The following HECTD2 variants were observed in gnomAD, a reference collection of about 807,000 sequenced individuals.
HECTD2 encodes the protein probable E3 ubiquitin-protein ligase HECTD2.
HECTD2 carries 35 observed loss-of-function variants against 103.2 expected under a neutral mutation model. That is an observed-to-expected ratio of 0.34 (90% CI 0.26 to 0.45). The LOEUF (loss-of-function observed/expected upper bound fraction) is 0.45. HECTD2 is among the 20% of genes least tolerant of loss of function. The pLI, the probability that HECTD2 is intolerant of heterozygous loss-of-function variation, is 1.00. For missense variants in HECTD2, 596 were observed against 937.4 expected (o/e 0.64, Z 4.76); for synonymous variants, 281 against 329.9 (o/e 0.85, Z 1.61).
intron 5 of HECTD2, among the ~76,000 whole-genome samples, chr10:91,476,812 C>CT (rs1195470305): frequency 6.6e-6 from 1 of 152,170 alleles, no homozygotes. Flanking sequence ...CCTGTGAGGC[C>CT]TTTGTCTTTG....
intron 3 of HECTD2, among the ~76,000 whole-genome samples, chr10:91,460,825 G>A (rs1444109907): frequency 2.6e-5 from 4 of 152,072 alleles, no homozygotes; most frequent in Admixed American, 6.6e-5. Flanking sequence ...AGAGATAAAG[G>A]TGGTAATTAA....
At chr10:91,415,216 G>GTGTGTGTGTGTC (rs1554864270) in intron 1 of HECTD2, among the ~76,000 whole-genome samples, 16 of 152,026 alleles carry the variant, frequency 1.1e-4, no homozygotes, top group African/African-American at 3.4e-4. Flanking sequence ...GTGTGTGTGT[G>GTGTGTGTGTGTC]TGTGTGTGTG....
chr10:91,471,194 TCACGTAA>T (rs1202173146), intron 5 of HECTD2, among the ~76,000 whole-genome samples: 1 of 152,176 alleles, frequency 6.6e-6, no homozygotes. Flanking sequence ...ATGTGATTCA[TCACGTAA>T]CAGAACTAAA....
intron 1 of HECTD2, among the ~76,000 whole-genome samples, chr10:91,416,107 G>A (rs1401112010): frequency 6.6e-6 from 1 of 151,868 alleles, no homozygotes; most frequent in African/African-American, 2.4e-5. Context: ...AACCCATTAG[G>A]ACACAAATAA....
upstream of HECTD2, among the ~76,000 whole-genome samples, chr10:91,409,899 G>C (rs1842841768): frequency 6.6e-6 from 1 of 152,282 alleles, no homozygotes. Context: ...CGCAGGCCAG[G>C]GCCGTCCGTG....
chr10:91,460,321 AC>A (rs1351497042), intron 2 of HECTD2, 105 bp from the exon 3 acceptor site: 5 of 1,032,650 alleles, frequency 4.8e-6, no homozygotes, highest in Non-Finnish European at 5.5e-6. Flanking sequence ...TGAATGTAAT[AC>A]AAAATAATTC....
intron 20 of HECTD2, among the ~76,000 whole-genome samples, chr10:91,505,694 G>A (rs1185647778): frequency 6.6e-6 from 1 of 151,086 alleles, no homozygotes; most frequent in African/African-American, 2.4e-5. Context: ...ACACCCCACT[G>A]TCAACATTAG....
Position 91,504,636 on chromosome 10 carries a change from C to G in HECTD2, c.2210+3302C>G, listed in dbSNP as rs1394733712. Among the ~76,000 whole-genome samples the G allele has an allele frequency of 1.0e-3, 152 of 151,742 alleles. 1 individual carries two copies. The highest frequency in any genetic ancestry group is 1.8e-3 in the Non-Finnish European group (125 of 67,908). Reference sequence around the variant, plus strand: ...GAAATATGGGACTATGTGAAAAGACCAAATCTACGTCTGATTGGTGTACCT... The same window carrying G: ...GAAATATGGGACTATGTGAAAAGACGAAATCTACGTCTGATTGGTGTACCT... On this transcript the variant is annotated intron_variant, in intron 20 of 20. Coordinates refer to ENST00000298068, the MANE Select transcript of HECTD2 (RefSeq NM_182765.6).
intron 2 of HECTD2, among the ~76,000 whole-genome samples, chr10:91,443,780 G>A (rs528754162): frequency 2.2e-4 from 34 of 152,282 alleles, no homozygotes; most frequent in South Asian, 4.1e-4. Context: ...ACTCTTCCAT[G>A]GTTTTAAATG....
chr10:91,453,290 G>C (rs1844917725), intron 2 of HECTD2, among the ~76,000 whole-genome samples: 1 of 152,056 alleles, frequency 6.6e-6, no homozygotes, highest in Non-Finnish European at 1.5e-5. Context: ...AAATTAGTCA[G>C]GCTTTTGGTG....
At chr10:91,482,645 A>C (rs1846134905) in intron 7 of HECTD2, among the ~76,000 whole-genome samples, 1 of 151,972 alleles carries the variant, frequency 6.6e-6, no homozygotes, top group African/African-American at 2.4e-5. Context: ...AACAACCCTT[A>C]AGATAGAGAA....
chr10:91,491,886 G>GAT (rs1846493236), intron 12 of HECTD2, among the ~76,000 whole-genome samples: 1 of 152,002 alleles, frequency 6.6e-6, no homozygotes, highest in African/African-American at 2.4e-5. Flanking sequence ...ACCTGGGCTG[G>GAT]AGTGTAGTGG....
At chr10:91,445,267 T>A (rs532818159) in intron 2 of HECTD2, among the ~76,000 whole-genome samples, 2 of 152,082 alleles carry the variant, frequency 1.3e-5, no homozygotes, top group Non-Finnish European at 2.9e-5. Flanking sequence ...AACAGCAGTA[T>A]TGGAGGTAAA....
At chr10:91,466,894 CT>C (rs1469624793) in intron 5 of HECTD2, among the ~76,000 whole-genome samples, 2 of 152,048 alleles carry the variant, frequency 1.3e-5, no homozygotes, top group African/African-American at 4.8e-5. Context: ...GGAAGCTAGT[CT>C]TAAAAGGCTG....
chr10:91,482,090 G>A (rs1000323812), intron 7 of HECTD2, among the ~76,000 whole-genome samples: 6 of 151,810 alleles, frequency 4.0e-5, no homozygotes, highest in South Asian at 2.1e-4. Flanking sequence ...AAGATGACAC[G>A]AAGCTCAGAT....
intron 2 of HECTD2, among the ~76,000 whole-genome samples, chr10:91,429,568 C>G (rs893926778): frequency 7.2e-5 from 11 of 152,040 alleles, no homozygotes; most frequent in African/African-American, 2.4e-4. Flanking sequence ...CTGTTATTGG[C>G]CTATTCAGAG....
intron 2 of HECTD2, among the ~76,000 whole-genome samples, chr10:91,449,690 A>C (rs565410596): frequency 9.2e-5 from 14 of 152,232 alleles, no homozygotes; most frequent in Non-Finnish European, 1.9e-4. Context: ...ACTTCAGCAA[A>C]GTCTCAGGAT....
chr10:91,477,136 G>A (rs544629568), intron 5 of HECTD2, among the ~76,000 whole-genome samples: 43 of 148,868 alleles, frequency 2.9e-4, no homozygotes, highest in Non-Finnish European at 4.2e-4. Flanking sequence ...AGCCGAGATT[G>A]CGCCACTGCA....
At chr10:91,426,436 A>G (rs1020259811) in intron 2 of HECTD2, among the ~76,000 whole-genome samples, 8 of 152,072 alleles carry the variant, frequency 5.3e-5, no homozygotes, top group Admixed American at 2.0e-4. Context: ...TTATTCTTGC[A>G]TAGAGATTTT....
Sources: gnomAD v4.1 joint callset for allele counts (sites outside exome capture counted in the v4.1 genomes callset) on GRCh38, gnomAD v4.1.1 for gene constraint, MANE v1.5 for transcripts, NCBI Gene and HGNC (gene_info 2026-07-23, HGNC 2026-07-21) for gene names.